MPPE1: variants seen among roughly 807,000 people sequenced by gnomAD.
The protein encoded by MPPE1 is metallo phosphoesterase.
A neutral mutation model predicts 43.8 loss-of-function variants in MPPE1; 28 were observed. That is an observed-to-expected ratio of 0.64 (90% CI 0.47 to 0.88). The LOEUF (loss-of-function observed/expected upper bound fraction) is 0.88, where lower values mean the gene tolerates loss of function less well. Among genes scored for constraint, MPPE1 ranks in the 40% least tolerant of loss-of-function variants. The probability of loss-of-function intolerance (pLI) is 0.00; values close to 1 mark genes in which losing one functional copy is unlikely to be tolerated. For synonymous variants in MPPE1, 159 were observed against 188.5 expected (o/e 0.84, Z 1.28); for missense variants, 428 against 492.2 (o/e 0.87, Z 1.23).
Position 11,886,293 on chromosome 18 carries a change from T to G in MPPE1, c.867+206A>C, listed in dbSNP as rs957644981. On this transcript the variant is annotated intron_variant, in intron 9 of 10. Transcript: ENST00000588072. The surrounding 1 kb of genome is among the most constrained non-coding windows in gnomAD (Gnocchi z 4.1). ...CTGACTTGAGGGTAGGAAACAGAAG[T>G]AGGTTTACTGGAAAAAAAAAAAGCG... 3.8e-5 allele frequency: 24 copies of G among 627,262 alleles called. No individual in the cohort carries two copies. The African/African-American group carries it at 4.3e-4, about 11-fold the overall frequency. The allele number at this position is 627,262 out of a possible 1,614,324, so 38.9% of individuals were successfully genotyped here.
chr18:11,891,213 C>A (rs889912220), intron 4 of MPPE1: 1 of 152,192 alleles, frequency 6.6e-6, no homozygotes, highest in Non-Finnish European at 1.5e-5. Flanking sequence ...GTGCCTCACG[C>A]CTATAATCCC....
chr18:11,906,757 G>A (rs1452128075), intron 1 of MPPE1, among the ~76,000 whole-genome samples: 2 of 151,836 alleles, frequency 1.3e-5, no homozygotes, highest in Non-Finnish European at 2.9e-5. Context: ...GGGAGGCTGA[G>A]GCAGGAGAAT....
intron 6 of MPPE1, 84 bp downstream of exon 6, chr18:11,888,585 A>C (rs2037606925): frequency 2.5e-6 from 2 of 792,610 alleles, no homozygotes; most frequent in Non-Finnish European, 4.2e-6. Flanking sequence ...CAGGTAGATG[A>C]TAGATCCCAG....
chr18:11,900,645 C>T (rs1045324638), intron 2 of MPPE1, among the ~76,000 whole-genome samples: 27 of 152,162 alleles, frequency 1.8e-4, no homozygotes, highest in Admixed American at 9.2e-4. Flanking sequence ...CAGTGGCTCA[C>T]ACCTGTAATC....
At chr18:11,894,650 G>A (rs1325898504) in intron 3 of MPPE1, among the ~76,000 whole-genome samples, 1 of 152,066 alleles carries the variant, frequency 6.6e-6, no homozygotes, top group African/African-American at 2.4e-5. Context: ...GAGTACAATG[G>A]TGTGATCTCG....
intron 6 of MPPE1, among the ~76,000 whole-genome samples, chr18:11,887,626 C>A (rs2037486790): frequency 6.6e-6 from 1 of 152,148 alleles, no homozygotes; most frequent in Non-Finnish European, 1.5e-5. Flanking sequence ...GACTCAGCAG[C>A]CACATTTTTT....
At chr18:11,894,656 T>C (rs994533472) in intron 3 of MPPE1, among the ~76,000 whole-genome samples, 1 of 151,522 alleles carries the variant, frequency 6.6e-6, no homozygotes, top group East Asian at 1.9e-4. Flanking sequence ...AATGGTGTGA[T>C]CTCGGCTCAA....
Position 11,885,715 on chromosome 18 carries a change from A to G in MPPE1, c.969T>C (p.Ser323=), listed in dbSNP as rs752954066. 5.0e-6 allele frequency: 8 copies of G among 1,613,828 alleles called. No individual in the cohort carries two copies. Among genetic ancestry groups the G allele is most frequent in the Non-Finnish European group, 6.8e-6 (8 of 1,179,844 alleles). ...GGTTGTTTCTGTTCCTCCAACTGAA[A>G]GATGGGACGCTGAGCTCGGGGACTC... ...GGRVPELSVP[S]FSWRNRNNPS... is the part of the protein sequence containing the mutation. The change falls in exon 10 of 11, where the codon TCT becomes TCC. Residue 323 remains serine, a synonymous_variant. Transcript: ENST00000588072.
chr18:11,884,183 C>A lies in MPPE1; in HGVS notation c.*262G>T. 5.0e-6 allele frequency: 2 copies of A among 402,350 alleles called. No individual in the cohort carries two copies. The highest frequency in any genetic ancestry group is 4.3e-5 in the East Asian group (1 of 23,142). The allele number at this position is 402,350 out of a possible 1,614,324, so 24.9% of individuals were successfully genotyped here. A position where few individuals can be genotyped will look rare whatever the true frequency, so the allele number is the denominator to read the frequency against. On this transcript the variant is annotated 3_prime_UTR_variant, in exon 11 of 11. Coordinates refer to ENST00000588072, the MANE Select transcript of MPPE1 (RefSeq NM_023075.6). Reference sequence around the variant, plus strand: ...TGACGACATTAATAGCATTTACATACTGTACAGATGCAACCTTTGATGATA... The same window carrying A: ...TGACGACATTAATAGCATTTACATAATGTACAGATGCAACCTTTGATGATA...
At chr18:11,892,363 AAAAAAAAAG>A (rs2038091451) in intron 4 of MPPE1, among the ~76,000 whole-genome samples, 3 of 126,460 alleles carry the variant, frequency 2.4e-5, no homozygotes, top group Non-Finnish European at 5.2e-5. Context: ...AAGAAAAAAA[AAAAAAAAAG>A]AAAAAGAAAA....
chr18:11,900,023 C>T (rs551503643), intron 2 of MPPE1, among the ~76,000 whole-genome samples: 31 of 152,198 alleles, frequency 2.0e-4, no homozygotes, highest in African/African-American at 7.0e-4. Flanking sequence ...ACCAGCCTGG[C>T]CCACATGGTG....
chr18:11,897,488 AATAAT>A (rs1401943908), intron 2 of MPPE1, 132 bp from the exon 3 acceptor site: 9 of 517,322 alleles, frequency 1.7e-5, no homozygotes, highest in Non-Finnish European at 2.7e-5. Flanking sequence ...CTTTTACAAT[AATAAT>A]ATGCCAGATT....
chr18:11,898,260 C>T (rs2038798520), intron 2 of MPPE1, among the ~76,000 whole-genome samples: 1 of 151,906 alleles, frequency 6.6e-6, no homozygotes, highest in African/African-American at 2.4e-5. Flanking sequence ...TTAGCAGAGA[C>T]GGTTTTTCGC....
intron 2 of MPPE1, among the ~76,000 whole-genome samples, chr18:11,904,521 G>A (rs2143361420): frequency 6.6e-6 from 1 of 152,098 alleles, no homozygotes; most frequent in South Asian, 2.1e-4. Context: ...GTTTCACCAT[G>A]TCGCTTAGGC....
chr18:11,884,300 G>T lies in MPPE1; in HGVS notation c.*145C>A. 1 of 726,566 alleles carries T rather than the reference G, an allele frequency of 1.4e-6. No individual in the cohort carries two copies. Among genetic ancestry groups the T allele is most frequent in the Non-Finnish European group, 2.3e-6 (1 of 429,104 alleles). The allele number at this position is 726,566 out of a possible 1,614,324, so 45.0% of individuals were successfully genotyped here. Reference sequence around the variant, plus strand: ...AACAGTACAATCAACTATTTATTTTGCAGTTACTCATTTCAGTGATTGAGA... The same window carrying T: ...AACAGTACAATCAACTATTTATTTTTCAGTTACTCATTTCAGTGATTGAGA... On this transcript the variant is annotated 3_prime_UTR_variant, in exon 11 of 11. Coordinates refer to ENST00000588072, the MANE Select transcript of MPPE1 (RefSeq NM_023075.6).
At chr18:11,892,369 AAAG>A (rs1384117598) in intron 4 of MPPE1, among the ~76,000 whole-genome samples, 1 of 148,154 alleles carries the variant, frequency 6.7e-6, no homozygotes, top group Non-Finnish European at 1.5e-5. Context: ...AAAAAAAAAA[AAAG>A]AAAAAGAAAA....
chr18:11,887,044 C>G lies in MPPE1; in HGVS notation c.570-19G>C. 1 of 1,581,080 alleles carries G rather than the reference C, an allele frequency of 6.3e-7. No homozygotes were observed. On this transcript the variant is annotated intron_variant, in intron 6 of 10. Transcript: ENST00000588072. ...CACAAAGCTGAAGCGGAGGGAAACGCAGGTGAGGCCGCTGGGGGTATCAGT... is the reference window on the plus strand; with the variant it reads ...CACAAAGCTGAAGCGGAGGGAAACGGAGGTGAGGCCGCTGGGGGTATCAGT...
intron 1 of MPPE1, among the ~76,000 whole-genome samples, chr18:11,907,497 A>C (rs1567987849): frequency 2.0e-5 from 3 of 148,622 alleles, no homozygotes; most frequent in Non-Finnish European, 4.4e-5. Flanking sequence ...TATTTGGCTC[A>C]GAATTAATCC....
Position 11,886,768 on chromosome 18 carries a change from G to C in MPPE1, c.689C>G (p.Ser230Cys). 6 of 1,613,010 alleles carry C rather than the reference G, an allele frequency of 3.7e-6. No individual in the cohort carries two copies. The highest frequency in any genetic ancestry group is 3.4e-6 in the Non-Finnish European group (4 of 1,179,810). The change falls in exon 8 of 11, where the codon TCC becomes TGC. Residue 230 changes from serine to cysteine, a missense_variant. Physicochemically the swap from Ser to Cys is moderately radical, Grantham distance 112 (BLOSUM62 -1). This residue lies in a region of MPPE1 where 379 missense variants were observed against 402.5 expected (regional missense o/e 0.94). Transcript: ENST00000588072. The surrounding 1 kb of genome is among the most constrained non-coding windows in gnomAD (Gnocchi z 4.1). Reference protein sequence around the residue: ...RLNCSREARGSSRCGPGPLLP... With the variant: ...RLNCSREARGCSRCGPGPLLP... ...CAGAGGCCCAGGTCCACACCGGCTG[G>C]AGCCACGTGCCTGCTGGGTACAAGT... is the stretch of plus-strand genomic sequence containing the variant.
Sources: gnomAD v4.1 joint callset for allele counts (sites outside exome capture counted in the v4.1 genomes callset) on GRCh38, gnomAD v4.1.1 for gene constraint, gnomAD v4.1.1 regional missense constraint, Gnocchi (gnomAD v3.1) non-coding constraint, MANE v1.5 for transcripts, NCBI Gene and HGNC (gene_info 2026-07-23, HGNC 2026-07-21) for gene names.